The following NID1 variants were observed in gnomAD, a reference collection of about 807,000 sequenced individuals.
The protein encoded by NID1 is nidogen-1.
A neutral mutation model predicts 130.6 loss-of-function variants in NID1; 76 were observed. That is an observed-to-expected ratio of 0.58 (90% CI 0.48 to 0.70). The LOEUF (loss-of-function observed/expected upper bound fraction) is 0.70, where lower values mean the gene tolerates loss of function less well. NID1 is among the 30% of genes least tolerant of loss of function. The pLI, the probability that NID1 is intolerant of heterozygous loss-of-function variation, is 0.00. For missense variants in NID1, 1,517 were observed against 1,664.8 expected (o/e 0.91, Z 1.54); for synonymous variants, 665 against 675.1 (o/e 0.98, Z 0.23).
chr1:236,008,188 A>C (rs533617354), intron 12 of NID1, among the ~76,000 whole-genome samples: 252 of 152,370 alleles, frequency 1.7e-3, no homozygotes, highest in African/African-American at 5.9e-3. Flanking sequence ...TTTAAAAGAA[A>C]GTGAGAACAG....
chr1:236,028,170 T>A (rs1271715178), intron 7 of NID1, among the ~76,000 whole-genome samples: 2 of 152,118 alleles, frequency 1.3e-5, no homozygotes, highest in Non-Finnish European at 2.9e-5. Context: ...TTAATAGCCA[T>A]CCAGTAGAAT....
At chr1:236,032,837 G>A (rs539758654) in intron 5 of NID1, among the ~76,000 whole-genome samples, 185 bp from the exon 6 acceptor site, 3 of 152,242 alleles carry the variant, frequency 2.0e-5, no homozygotes, top group South Asian at 4.1e-4. Context: ...TGTATGCTGC[G>A]GGCCTTCAAA....
intron 1 of NID1, among the ~76,000 whole-genome samples, chr1:236,061,543 G>A (rs1660036514): frequency 6.6e-6 from 1 of 151,858 alleles, no homozygotes; most frequent in Admixed American, 6.6e-5. Flanking sequence ...TTGGCTTACT[G>A]CAACCTCCAC....
At chr1:236,002,231 G>A (rs1390148212) in intron 12 of NID1, among the ~76,000 whole-genome samples, 2 of 152,144 alleles carry the variant, frequency 1.3e-5, no homozygotes, top group Non-Finnish European at 2.9e-5. Flanking sequence ...GGCTGGGCGC[G>A]GTGGCTCACG....
Position 235,976,957 on chromosome 1 carries a change from C to T in NID1, c.*910G>A, listed in dbSNP as rs564120189. 1 of 152,184 alleles carries T rather than the reference C, an allele frequency of 6.6e-6. No individual in the cohort carries two copies. The highest frequency in any genetic ancestry group is 1.9e-4 in the East Asian group (1 of 5,178). The allele number at this position is 152,184 out of a possible 1,614,324, so 9.4% of individuals were successfully genotyped here. On this transcript the variant is annotated 3_prime_UTR_variant, in exon 20 of 20. Transcript: ENST00000264187. ...GATAGGTCTCCGTGAAAAGGAGGGACATCAGTGCAAGCAGTGGGGCTAAAG... is the reference window on the plus strand; with the variant it reads ...GATAGGTCTCCGTGAAAAGGAGGGATATCAGTGCAAGCAGTGGGGCTAAAG...
intron 1 of NID1, among the ~76,000 whole-genome samples, chr1:236,063,020 G>A (rs1660084201): frequency 6.6e-6 from 1 of 151,820 alleles, no homozygotes; most frequent in African/African-American, 2.4e-5. Context: ...CAGGCATGGT[G>A]GTGCGTGCCT....
intron 1 of NID1, among the ~76,000 whole-genome samples, chr1:236,062,783 C>T (rs1164843910): frequency 1.3e-5 from 2 of 152,072 alleles, no homozygotes; most frequent in African/African-American, 4.8e-5. Context: ...CAGAATATTG[C>T]TCATGATCTT....
At position 236,024,143 on chromosome 1, in the gene NID1, A is replaced by G; in HGVS notation, c.2055T>C (p.Cys685=). 1 of 1,614,258 alleles carries G rather than the reference A, an allele frequency of 6.2e-7. No individual in the cohort carries two copies. Residue 685 remains cysteine, a synonymous_variant, in exon 9 of 20, where the codon TGT becomes TGC. Transcript: ENST00000264187. ...TGAACTGTGTCCTGGGACCAGGGCGACAGGCCGCGTTGGTGTCACACCCAT... is the reference window on the plus strand; with the variant it reads ...TGAACTGTGTCCTGGGACCAGGGCGGCAGGCCGCGTTGGTGTCACACCCAT... ...GTHGCDTNAA[C]RPGPRTQFTC...
chr1:236,024,874 G>C (rs12118176), intron 8 of NID1, among the ~76,000 whole-genome samples: 28,357 of 152,108 alleles, frequency 0.19, 5,385 homozygotes, highest in African/African-American at 0.46. Flanking sequence ...CAGTGATGCA[G>C]AGTCACAGGG....
chr1:236,054,521 T>G (rs949139674), intron 1 of NID1, among the ~76,000 whole-genome samples: 1 of 152,204 alleles, frequency 6.6e-6, no homozygotes, highest in Non-Finnish European at 1.5e-5. Flanking sequence ...GGGCCCTGAT[T>G]TAAACCAATC....
intron 3 of NID1, among the ~76,000 whole-genome samples, chr1:236,042,919 C>T (rs1278269904): frequency 6.6e-6 from 1 of 152,186 alleles, no homozygotes; most frequent in Non-Finnish European, 1.5e-5. Flanking sequence ...CCCACTGCCT[C>T]CAGGGAGGGG....
At chr1:236,015,540 G>A (rs1459065466) in intron 10 of NID1, among the ~76,000 whole-genome samples, 5 of 151,004 alleles carry the variant, frequency 3.3e-5, no homozygotes, top group Admixed American at 6.6e-5. Context: ...CCAGCTACTT[G>A]GGAGACTGAG....
At chr1:236,052,794 G>C (rs965738561) in intron 1 of NID1, among the ~76,000 whole-genome samples, 2 of 152,162 alleles carry the variant, frequency 1.3e-5, no homozygotes, top group Non-Finnish European at 2.9e-5. Flanking sequence ...GCCCCCTTGT[G>C]ATAGGACAGC....
At chr1:236,010,489 G>T (rs936572607) in intron 12 of NID1, among the ~76,000 whole-genome samples, 2 of 151,872 alleles carry the variant, frequency 1.3e-5, no homozygotes, top group Non-Finnish European at 2.9e-5. Context: ...GTAGAAACAG[G>T]GTCTCGCTAT....
At chr1:236,036,891 T>C (rs1166604232) in intron 5 of NID1, among the ~76,000 whole-genome samples, 4 of 152,008 alleles carry the variant, frequency 2.6e-5, no homozygotes, top group African/African-American at 4.8e-5. Flanking sequence ...AAGAAATAAA[T>C]TTTTTTTCTT....
intron 10 of NID1, 38 bp downstream of exon 10, chr1:236,017,109 AT>A (rs1270016736): frequency 6.2e-7 from 1 of 1,613,110 alleles, no homozygotes; most frequent in Non-Finnish European, 8.5e-7. Flanking sequence ...AATGCACACC[AT>A]GTGAATACTG....
chr1:236,018,547 G>A (rs1013302797), intron 9 of NID1, among the ~76,000 whole-genome samples: 1 of 152,172 alleles, frequency 6.6e-6, no homozygotes, highest in African/African-American at 2.4e-5. Flanking sequence ...AAGAAACTGA[G>A]CTAACCTGTC....
Position 236,029,565 on chromosome 1 carries a change from G to A in NID1, c.1723C>T (p.His575Tyr). The change falls in exon 7 of 20, where the codon CAC (histidine) becomes TAC (tyrosine). Residue 575 changes from histidine to tyrosine, a missense_variant. Coordinates refer to ENST00000264187, the MANE Select transcript of NID1 (RefSeq NM_002508.3). ...VHIEPYTELY[H>Y]YSTSVITSSS... ...TGGGGCTCACCTGAGGTGGAGTAGT[G>A]GTACAGCTCCGTGTAGGGCTCAATG... The A allele has an allele frequency of 6.4e-7, 1 of 1,563,256 alleles. No homozygotes were observed. Among genetic ancestry groups the A allele is most frequent in the Non-Finnish European group, 8.7e-7 (1 of 1,153,968 alleles).
chr1:236,064,901 C>T lies in NID1; in HGVS notation c.179G>A (p.Ser60Asn). 6.2e-7 allele frequency: 1 copy of T among 1,612,484 alleles called. No individual in the cohort carries two copies. Among genetic ancestry groups the T allele is most frequent in the South Asian group, 1.1e-5 (1 of 90,916 alleles). Residue 60 changes from serine (S) to asparagine (N), a missense_variant, in exon 1 of 20, where the codon AGT (serine) becomes AAT (asparagine). Physicochemically the swap from Ser to Asn is conservative, Grantham distance 46 (BLOSUM62 1). Around this residue, in one of 3 missense-constraint regions of NID1, gnomAD observed 1,329 missense variants for 1,429.2 expected, o/e 0.93. Transcript: ENST00000264187. The part of the protein sequence containing the change: ...DDFVSPALEL[S>N]GALRFYDRSD... Reference sequence around the variant, plus strand: ...TCTGTCGTAGAAGCGGAGCGCCCCACTCAGCTCCAGGGCAGGAGAGACGAA... The same window carrying T: ...TCTGTCGTAGAAGCGGAGCGCCCCATTCAGCTCCAGGGCAGGAGAGACGAA...
Sources: gnomAD v4.1 joint callset for allele counts (sites outside exome capture counted in the v4.1 genomes callset) on GRCh38, gnomAD v4.1.1 for gene constraint, gnomAD v4.1.1 regional missense constraint, MANE v1.5 for transcripts, NCBI Gene and HGNC (gene_info 2026-07-23, HGNC 2026-07-21) for gene names.